PTPRZ1: variants seen among roughly 807,000 people sequenced by gnomAD.
The protein encoded by PTPRZ1 is receptor-type tyrosine-protein phosphatase zeta.
PTPRZ1 carries 82 observed loss-of-function variants against 214.1 expected under a neutral mutation model. The observed-to-expected ratio is 0.38, with a 90% CI of 0.32 to 0.46. PTPRZ1 has a LOEUF of 0.46. Among genes scored for constraint, PTPRZ1 ranks in the 20% least tolerant of loss-of-function variants. The probability of loss-of-function intolerance (pLI) is 1.00; values close to 1 mark genes in which losing one functional copy is unlikely to be tolerated. For missense variants in PTPRZ1, 2,603 were observed against 2,748.7 expected, an observed-to-expected ratio of 0.95 and a Z score of 1.19; for synonymous variants, 945 against 987.9, an observed-to-expected ratio of 0.96 and a Z score of 0.81.
intron 1 of PTPRZ1, among the ~76,000 whole-genome samples, chr7:121,902,554 CCTAA>C (rs1794995974): frequency 1.3e-5 from 2 of 152,094 alleles, no homozygotes; most frequent in African/African-American, 2.4e-5. Flanking sequence ...TAATAGCCAT[CCTAA>C]CTGAGATGAG....
In PTPRZ1 at chr7:121,972,559, A is replaced by T. The variant is rs758934427; in HGVS notation, c.323A>T (p.Asn108Ile). The change falls in exon 4 of 30, where the codon AAT (asparagine) becomes ATT (isoleucine). Residue 108 changes from asparagine (N) to isoleucine (I), a missense_variant. Around this residue, in one of 6 missense-constraint regions of PTPRZ1, gnomAD observed 141 missense variants for 143.7 expected, o/e 0.98. Coordinates refer to ENST00000393386, the MANE Select transcript of PTPRZ1 (RefSeq NM_002851.3). ...TGKTVEINLT[N>I]DYRVSGGVSE... ...TTTTTAGTGGAAATTAATCTCACTA[A>T]TGACTACCGTGTCAGCGGAGGAGTT... The T allele has an allele frequency of 6.2e-7, 1 of 1,607,626 alleles. No homozygotes were observed.
At chr7:122,039,156 G>A (rs1202897681) in intron 19 of PTPRZ1, among the ~76,000 whole-genome samples, 6 of 152,126 alleles carry the variant, frequency 3.9e-5, no homozygotes, top group Admixed American at 6.5e-5. Context: ...GAGTGAAATC[G>A]ATTTTAATTC....
chr7:121,967,299 G>A (rs1045574200), intron 2 of PTPRZ1, among the ~76,000 whole-genome samples: 1 of 152,012 alleles, frequency 6.6e-6, no homozygotes, highest in Non-Finnish European at 1.5e-5. Flanking sequence ...TAGGCTTTAC[G>A]ACCAGAGAAA....
chr7:122,031,422 C>T (rs1414262837), intron 14 of PTPRZ1, 52 bp from the exon 15 acceptor site: 10 of 1,265,940 alleles, frequency 7.9e-6, no homozygotes, highest in Middle Eastern at 1.9e-4. Flanking sequence ...GTGATAGGTA[C>T]GTTTATTTCT....
chr7:121,903,735 C>T lies in PTPRZ1; in HGVS notation c.59-24421C>T, dbSNP rs139317536. Among the ~76,000 whole-genome samples the T allele has an allele frequency of 2.6e-5, 4 of 152,204 alleles. No homozygotes were observed. In the East Asian group the frequency reaches 5.8e-4, roughly 22 times the overall value. ...AGGTCAATTCAAACTTCACCTTTTA[C>T]TCATCCCTTAGCTCGAGTCCTAAAG... On this transcript the variant is annotated intron_variant, in intron 1 of 29. Transcript: ENST00000393386.
intron 8 of PTPRZ1, among the ~76,000 whole-genome samples, chr7:121,994,345 A>G (rs1798069555): frequency 8.9e-6 from 1 of 112,190 alleles, no homozygotes; most frequent in Non-Finnish European, 1.6e-5. Flanking sequence ...CCCCGGCTGG[A>G]GTGCAGTGGC....
intron 8 of PTPRZ1, among the ~76,000 whole-genome samples, chr7:121,993,399 C>T (rs1335657530): frequency 6.6e-6 from 1 of 150,818 alleles, no homozygotes; most frequent in African/African-American, 2.4e-5. Context: ...AGTGAAACCT[C>T]ATCTCTACTA....
At chr7:121,916,929 T>A (rs1452215245) in intron 1 of PTPRZ1, among the ~76,000 whole-genome samples, 1 of 152,058 alleles carries the variant, frequency 6.6e-6, no homozygotes, top group Admixed American at 6.6e-5. Context: ...ACTATTAAAT[T>A]GAGAAAGAAA....
chr7:121,907,886 A>C (rs760999333), intron 1 of PTPRZ1, among the ~76,000 whole-genome samples: 2 of 152,086 alleles, frequency 1.3e-5, no homozygotes, highest in African/African-American at 2.4e-5. Flanking sequence ...TCAAATGAAA[A>C]TAAAACTTAG....
Position 122,011,169 on chromosome 7 carries a change from T to A in PTPRZ1, c.2123T>A (p.Leu708Gln). Residue 708 changes from leucine to glutamine, a missense_variant, in exon 12 of 30, where the codon CTG becomes CAG. Physicochemically the swap from Leu to Gln is moderately radical, Grantham distance 113. Coordinates refer to ENST00000393386, the MANE Select transcript of PTPRZ1 (RefSeq NM_002851.3). ...TCACAGGGTCCCTCAGTTACAGATCTGGAAATGCCACATTATTCTACCTTT... is the reference window on the plus strand; with the variant it reads ...TCACAGGGTCCCTCAGTTACAGATCAGGAAATGCCACATTATTCTACCTTT... ...VMSQGPSVTDLEMPHYSTFAY... is the reference protein window; with the variant it reads ...VMSQGPSVTDQEMPHYSTFAY... 4 of 1,614,138 alleles carry A rather than the reference T, an allele frequency of 2.5e-6. No individual in the cohort carries two copies. The highest frequency in any genetic ancestry group is 3.4e-6 in the Non-Finnish European group (4 of 1,180,024).
chr7:122,059,663 A>G, intron 28 of PTPRZ1, 90 bp from the exon 29 acceptor site: 1 of 1,395,872 alleles, frequency 7.2e-7, no homozygotes, highest in Non-Finnish European at 9.5e-7. Context: ...TTCACTGCAA[A>G]GTTGTCAAGG....
intron 8 of PTPRZ1, among the ~76,000 whole-genome samples, chr7:121,995,658 T>A (rs1377788647): frequency 6.6e-6 from 1 of 152,232 alleles, no homozygotes; most frequent in African/African-American, 2.4e-5. Context: ...AATTATTTTC[T>A]TAATTTACTT....
At chr7:121,909,668 ATATT>A (rs1430217993) in intron 1 of PTPRZ1, among the ~76,000 whole-genome samples, 1 of 152,198 alleles carries the variant, frequency 6.6e-6, no homozygotes, top group East Asian at 1.9e-4. Context: ...CTAAAATATG[ATATT>A]TATACTCTAG....
At chr7:121,951,076 G>A (rs945069317) in intron 2 of PTPRZ1, among the ~76,000 whole-genome samples, 4 of 152,152 alleles carry the variant, frequency 2.6e-5, no homozygotes, top group African/African-American at 7.2e-5. Flanking sequence ...TTTTAGATCT[G>A]GAAGATTTCT....
chr7:121,909,105 A>G (rs947896803), intron 1 of PTPRZ1, among the ~76,000 whole-genome samples: 2 of 152,210 alleles, frequency 1.3e-5, no homozygotes, highest in Non-Finnish European at 2.9e-5. Flanking sequence ...ATGGCACAAC[A>G]CAATACATGC....
At chr7:122,018,992 C>T (rs2116683045) in intron 12 of PTPRZ1, 132 bp from the exon 13 acceptor site, 2 of 799,224 alleles carry the variant, frequency 2.5e-6, no homozygotes, top group East Asian at 2.8e-5. Context: ...TAATTGTAGA[C>T]ATTCTTTGCA....
At chr7:122,035,157 A>G (rs1231581835) in intron 17 of PTPRZ1, among the ~76,000 whole-genome samples, 2 of 152,154 alleles carry the variant, frequency 1.3e-5, no homozygotes, top group African/African-American at 4.8e-5. Flanking sequence ...CTGGCTTCAT[A>G]GGACCATGGT....
Position 122,011,925 on chromosome 7 carries a change from G to C in PTPRZ1, c.2879G>C (p.Gly960Ala), listed in dbSNP as rs757800214. Residue 960 changes from glycine to alanine, a missense_variant, in exon 12 of 30, where the codon GGT becomes GCT. Transcript: ENST00000393386. ...GATTCTGTGGGTGTAACTTATCAGG[G>C]TTCCTTATTTAGCGGCCCTAGCCAT... ...VHDSVGVTYQGSLFSGPSHIP... is the reference protein window; with the variant it reads ...VHDSVGVTYQASLFSGPSHIP... The C allele has an allele frequency of 2.5e-6, 4 of 1,614,170 alleles. No individual in the cohort carries two copies. Among genetic ancestry groups the C allele is most frequent in the Non-Finnish European group, 3.4e-6 (4 of 1,180,028 alleles).
chr7:121,945,613 G>A (rs973590553), intron 2 of PTPRZ1, among the ~76,000 whole-genome samples: 1 of 152,150 alleles, frequency 6.6e-6, no homozygotes, highest in Admixed American at 6.5e-5. Flanking sequence ...TAATGAGCTA[G>A]TTCATGTGGG....
Sources: gnomAD v4.1 joint callset for allele counts (sites outside exome capture counted in the v4.1 genomes callset) on GRCh38, gnomAD v4.1.1 for gene constraint, gnomAD v4.1.1 regional missense constraint, MANE v1.5 for transcripts, NCBI Gene and HGNC (gene_info 2026-07-23, HGNC 2026-07-21) for gene names.